Variants in KIAA1328 observed in about 807,000 individuals in gnomAD.
KIAA1328 encodes protein hinderin.
Under a neutral mutation model 68.1 loss-of-function variants are expected in KIAA1328, and 52 were observed. The ratio of observed to expected loss-of-function variants is 0.76; its 90% CI spans 0.61 to 0.96. The LOEUF is 0.96. Ranked by LOEUF, KIAA1328 falls within the 40% of genes least tolerant of loss-of-function variation. The pLI, the probability that KIAA1328 is intolerant of heterozygous loss-of-function variation, is 0.00. For synonymous variants in KIAA1328, 232 were observed against 239.4 expected, an observed-to-expected ratio of 0.97 and a Z score of 0.28; for missense variants, 641 against 677.6, an observed-to-expected ratio of 0.95 and a Z score of 0.60.
At chr18:36,924,674 A>G (rs779130796) in intron 5 of KIAA1328, among the ~76,000 whole-genome samples, 2 of 152,138 alleles carry the variant, frequency 1.3e-5, no homozygotes, top group Admixed American at 6.6e-5. Flanking sequence ...TTGAATTTGG[A>G]TAAGATTGCC....
chr18:37,220,742 C>T (rs1179577821), intron 9 of KIAA1328, among the ~76,000 whole-genome samples: 2 of 152,212 alleles, frequency 1.3e-5, no homozygotes, highest in African/African-American at 4.8e-5. Context: ...ATTGTCACCA[C>T]CATTAATTTG....
intron 4 of KIAA1328, among the ~76,000 whole-genome samples, chr18:36,856,575 T>A (rs1393993264): frequency 6.6e-6 from 1 of 152,068 alleles, no homozygotes; most frequent in Middle Eastern, 3.2e-3. Context: ...GGTGTTGTTT[T>A]CCTTAGTTTC....
intron 5 of KIAA1328, among the ~76,000 whole-genome samples, chr18:36,945,911 C>A (rs2050882441): frequency 1.3e-5 from 2 of 152,116 alleles, no homozygotes; most frequent in Admixed American, 1.3e-4. Flanking sequence ...ATCCAAAATT[C>A]TTGAGGCCAG....
chr18:37,123,323 GACAA>G lies in KIAA1328; in HGVS notation c.1233-36871_1233-36868del, dbSNP rs2058316182. Among the ~76,000 whole-genome samples, 8 of 151,798 alleles carry G rather than the reference GACAA, an allele frequency of 5.3e-5. No individual in the cohort carries two copies. The South Asian group carries it at 1.7e-3, about 31-fold the overall frequency. On this transcript the variant is annotated intron_variant, in intron 7 of 9. Coordinates refer to ENST00000280020, the MANE Select transcript of KIAA1328 (RefSeq NM_020776.3). The stretch of plus-strand genomic sequence containing the variant: ...GAGTTGTCATGTTCAGCCTAGTTAT[GACAA>G]ACAAATTAAAAATTGATCATAATTA...
chr18:36,918,439 G>A lies in KIAA1328; in HGVS notation c.448+32767G>A, dbSNP rs2049793148. 3.6e-5 allele frequency among the ~76,000 whole-genome samples: 5 copies of A among 137,088 alleles called. No homozygotes were observed. In the South Asian group the frequency reaches 1.2e-3, roughly 32 times the overall value. The allele number at this position is 137,088 out of a possible 152,430, so 89.9% of individuals were successfully genotyped here. The stretch of plus-strand genomic sequence containing the variant: ...TTTTTTTTTTTTTTTTTGAGACGGA[G>A]TCTTGCTGTGTCGGCCAGGCTAGAG... On this transcript the variant is annotated intron_variant, in intron 5 of 9. Coordinates refer to ENST00000280020, the MANE Select transcript of KIAA1328 (RefSeq NM_020776.3).
chr18:36,931,915 G>T (rs568700731), intron 5 of KIAA1328, among the ~76,000 whole-genome samples: 5 of 151,770 alleles, frequency 3.3e-5, no homozygotes, highest in Non-Finnish European at 1.5e-5. Flanking sequence ...ATGATTTTGC[G>T]CATAGAATTC....
chr18:36,928,120 A>T (rs201268540), intron 5 of KIAA1328, among the ~76,000 whole-genome samples: 3 of 151,892 alleles, frequency 2.0e-5, no homozygotes, highest in Non-Finnish European at 4.4e-5. Context: ...TGTTTTTTTT[A>T]TTTTTTTTAT....
At chr18:36,973,575 G>C (rs1277008815) in intron 6 of KIAA1328, among the ~76,000 whole-genome samples, 1 of 151,904 alleles carries the variant, frequency 6.6e-6, no homozygotes, top group Non-Finnish European at 1.5e-5. Context: ...GTGAGAGAAG[G>C]CATCGTTCTC....
chr18:37,024,574 G>C (rs773130637), intron 6 of KIAA1328, among the ~76,000 whole-genome samples: 3 of 140,150 alleles, frequency 2.1e-5, no homozygotes, highest in Non-Finnish European at 4.5e-5. Flanking sequence ...TCCCCTTCCT[G>C]TGTCCAAGTG....
intron 6 of KIAA1328, among the ~76,000 whole-genome samples, chr18:37,066,368 G>T (rs933065613): frequency 4.6e-5 from 7 of 152,178 alleles, no homozygotes; most frequent in Admixed American, 4.6e-4. Flanking sequence ...GAAAGTGGTT[G>T]GTTTTATCTG....
intron 9 of KIAA1328, among the ~76,000 whole-genome samples, chr18:37,217,447 G>A (rs900861663): frequency 6.6e-6 from 1 of 152,182 alleles, no homozygotes; most frequent in African/African-American, 2.4e-5. Context: ...GGCTGGATAT[G>A]AAATTCTGGG....
chr18:37,023,140 C>G (rs2054411929), intron 6 of KIAA1328, among the ~76,000 whole-genome samples: 1 of 152,232 alleles, frequency 6.6e-6, no homozygotes, highest in African/African-American at 2.4e-5. Flanking sequence ...AAGTGATCCT[C>G]CTGCCTTGGC....
intron 5 of KIAA1328, among the ~76,000 whole-genome samples, chr18:36,894,834 GT>G (rs1198177457): frequency 6.6e-6 from 1 of 152,058 alleles, no homozygotes; most frequent in African/African-American, 2.4e-5. Flanking sequence ...TTTAAGTTCT[GT>G]TTTTATTACA....
chr18:37,198,712 A>G (rs1358719558), intron 9 of KIAA1328, among the ~76,000 whole-genome samples: 2 of 152,242 alleles, frequency 1.3e-5, no homozygotes, highest in East Asian at 3.8e-4. Context: ...GGAAGAAATG[A>G]TGAGTGCCAA....
chr18:36,877,957 G>A (rs2048194934), intron 4 of KIAA1328, among the ~76,000 whole-genome samples: 1 of 151,988 alleles, frequency 6.6e-6, no homozygotes, highest in African/African-American at 2.4e-5. Flanking sequence ...CTGAGCCACT[G>A]CACCCGGCCC....
intron 4 of KIAA1328, among the ~76,000 whole-genome samples, chr18:36,858,117 A>T (rs944626961): frequency 6.6e-6 from 1 of 152,100 alleles, no homozygotes; most frequent in Admixed American, 6.6e-5. Flanking sequence ...CTCCAGCTAT[A>T]CTTGTAGATT....
intron 7 of KIAA1328, among the ~76,000 whole-genome samples, chr18:37,086,225 C>G (rs2057100310): frequency 6.6e-6 from 1 of 152,110 alleles, no homozygotes; most frequent in African/African-American, 2.4e-5. Flanking sequence ...AGGGTAGATG[C>G]TAAGTGTTCT....
At chr18:36,914,418 TTAA>T (rs768527830) in intron 5 of KIAA1328, among the ~76,000 whole-genome samples, 2 of 152,214 alleles carry the variant, frequency 1.3e-5, no homozygotes, top group African/African-American at 2.4e-5. Flanking sequence ...GTAAGTGAGT[TTAA>T]TAATATTACA....
chr18:36,842,008 G>A (rs938095382), intron 3 of KIAA1328, among the ~76,000 whole-genome samples: 28 of 150,330 alleles, frequency 1.9e-4, no homozygotes, highest in African/African-American at 5.9e-4. Flanking sequence ...TCTTTTCACC[G>A]TCTCGGGGTT....
Sources: allele counts gnomAD v4.1 joint callset (sites outside exome capture counted in the v4.1 genomes callset), GRCh38; gene constraint gnomAD v4.1.1; transcripts MANE v1.5; gene names NCBI Gene and HGNC (gene_info 2026-07-23, HGNC 2026-07-21).